MICAL2: variants seen among roughly 807,000 people sequenced by gnomAD.
The protein encoded by MICAL2 is microtubule associated monooxygenase, calponin and LIM domain containing 2, also known as [F-actin]-monooxygenase MICAL2.
MICAL2 carries 77 observed loss-of-function variants against 127.3 expected under a neutral mutation model. The observed-to-expected ratio is 0.60, with a 90% CI of 0.50 to 0.73. The LOEUF (loss-of-function observed/expected upper bound fraction) is 0.73, where lower values mean the gene tolerates loss of function less well. Among genes scored for constraint, MICAL2 ranks in the 30% least tolerant of loss-of-function variants. MICAL2 has a pLI of 0.00. For missense variants in MICAL2, 1,351 were observed against 1,434.4 expected, an observed-to-expected ratio of 0.94 and a Z score of 0.94; for synonymous variants, 570 against 551.1, an observed-to-expected ratio of 1.03 and a Z score of -0.48.
intron 3 of MICAL2, among the ~76,000 whole-genome samples, chr11:12,178,707 C>T (rs1169294084): frequency 6.7e-5 from 10 of 149,008 alleles, no homozygotes; most frequent in Non-Finnish European, 1.2e-4. Context: ...TCTCATCAGA[C>T]GGTATTATTA....
chr11:12,178,726 A>G (rs1488029533), intron 3 of MICAL2, among the ~76,000 whole-genome samples: 1 of 146,342 alleles, frequency 6.8e-6, no homozygotes, highest in East Asian at 2.0e-4. Context: ...TATTATTACT[A>G]TTTTTTTTTT....
intron 23 of MICAL2, 48 bp downstream of exon 23, chr11:12,255,798 A>G (rs1291188354): frequency 6.7e-7 from 1 of 1,502,844 alleles, no homozygotes; most frequent in Admixed American, 1.8e-5. Flanking sequence ...TGGCTCTGGC[A>G]TCCCAGGGCG....
chr11:12,238,334 G>A (rs945147005), intron 16 of MICAL2, among the ~76,000 whole-genome samples: 1 of 152,194 alleles, frequency 6.6e-6, no homozygotes, highest in Non-Finnish European at 1.5e-5. Flanking sequence ...ATTTTTCACT[G>A]TTAGCAGATG....
At chr11:12,295,330 G>A (rs1227385662), downstream of MICAL2, among the ~76,000 whole-genome samples, 5 of 151,220 alleles carry the variant, frequency 3.3e-5, no homozygotes, top group Non-Finnish European at 7.4e-5. Context: ...AGTAGAGATG[G>A]GGTTTTACCA....
At chr11:12,198,261 A>C (rs1860203952) in intron 3 of MICAL2, among the ~76,000 whole-genome samples, 1 of 152,198 alleles carries the variant, frequency 6.6e-6, no homozygotes, top group Non-Finnish European at 1.5e-5. Context: ...GAATATGCCT[A>C]ATTCAGGGTT....
At chr11:12,143,738 C>T (rs1852586515) in intron 2 of MICAL2, among the ~76,000 whole-genome samples, 1 of 152,156 alleles carries the variant, frequency 6.6e-6, no homozygotes, top group Non-Finnish European at 1.5e-5. Flanking sequence ...CAGACAGGGT[C>T]ACATAATATT....
intron 1 of MICAL2, among the ~76,000 whole-genome samples, chr11:12,116,390 T>G (rs1850038181): frequency 6.8e-6 from 1 of 147,998 alleles, no homozygotes; most frequent in Non-Finnish European, 1.5e-5. Context: ...CTGAGGAAGG[T>G]TGAGCCCTCA....
At chr11:12,113,913 T>G (rs1412294641) in intron 1 of MICAL2, among the ~76,000 whole-genome samples, 1 of 152,230 alleles carries the variant, frequency 6.6e-6, no homozygotes, top group Admixed American at 6.5e-5. Flanking sequence ...CACCTCACTA[T>G]GAAATGGCAT....
At chr11:12,172,321 G>A (rs1015338759) in intron 3 of MICAL2, among the ~76,000 whole-genome samples, 1 of 152,214 alleles carries the variant, frequency 6.6e-6, no homozygotes, top group African/African-American at 2.4e-5. Flanking sequence ...ACATGTATTT[G>A]TCTCAGGTTG....
rs147581569 is a variant in MICAL2 at position 12,162,414 on chromosome 11, A to T, written c.259A>T (p.Thr87Ser). ...TAAGCGAGGGAAGTCGTGCACGAAC[A>T]CCAAGGTAAGGGGAAACCCTCCTAG... The part of the protein sequence containing the change: ...EYKRGKSCTN[T>S]KCLIVGGGPC... The change falls in exon 3 of 28, where the codon ACC becomes TCC. Residue 87 changes from threonine to serine, a missense_variant. Around this residue, in one of 2 missense-constraint regions of MICAL2, gnomAD observed 599 missense variants for 714.9 expected, o/e 0.84. Coordinates refer to ENST00000683283, the MANE Select transcript of MICAL2 (RefSeq NM_001282663.2). 6.2e-7 allele frequency: 1 copy of T among 1,614,162 alleles called. No homozygotes were observed. Among genetic ancestry groups the T allele is most frequent in the Non-Finnish European group, 8.5e-7 (1 of 1,179,986 alleles).
At chr11:12,350,376 C>A (rs915764907) in intron 33 of MICAL2, among the ~76,000 whole-genome samples, 2 of 152,170 alleles carry the variant, frequency 1.3e-5, no homozygotes, top group African/African-American at 4.8e-5. Context: ...GTCTGGCTGT[C>A]CTCTCTGAAT....
chr11:12,217,799 G>A (rs544307104), intron 8 of MICAL2, among the ~76,000 whole-genome samples: 7 of 152,100 alleles, frequency 4.6e-5, no homozygotes, highest in African/African-American at 9.7e-5. Flanking sequence ...TCCTTCAGAG[G>A]CCCCTGGGAG....
At chr11:12,314,579 C>T (rs1168680213) in intron 29 of MICAL2, among the ~76,000 whole-genome samples, 7 of 151,422 alleles carry the variant, frequency 4.6e-5, no homozygotes, top group South Asian at 2.1e-4. Flanking sequence ...CCTGGGTTCA[C>T]GCCATTCCCC....
chr11:12,138,601 C>A (rs1443800944), intron 2 of MICAL2, 141 bp downstream of exon 2: 1 of 152,276 alleles, frequency 6.6e-6, no homozygotes. Flanking sequence ...TCTGAGTCAG[C>A]ACCACCTCCT....
At chr11:12,159,644 A>G (rs1854556015) in intron 2 of MICAL2, among the ~76,000 whole-genome samples, 1 of 152,248 alleles carries the variant, frequency 6.6e-6, no homozygotes, top group African/African-American at 2.4e-5. Flanking sequence ...TGTAGCAGGC[A>G]AGTTCAAATA....
rs548144133 is a variant in MICAL2, at chr11:12,176,041, G to A, written c.264+13622G>A. ...CTGTGAAATCTTGGGGATGAAAAAC[G>A]TAAAGGAAGACTAGGGTCTCTCCTA... On this transcript the variant is annotated intron_variant, in intron 3 of 27. Transcript: ENST00000683283. 1.9e-4 allele frequency among the ~76,000 whole-genome samples: 29 copies of A among 152,276 alleles called. No individual in the cohort carries two copies. The South Asian group carries it at 3.9e-3, about 21-fold the overall frequency.
At chr11:12,274,044 T>G (rs1863699792), upstream of MICAL2, among the ~76,000 whole-genome samples, 1 of 152,052 alleles carries the variant, frequency 6.6e-6, no homozygotes, top group African/African-American at 2.4e-5. Context: ...GGGTGAGGAC[T>G]GGGATTAAAA....
intron 24 of MICAL2, among the ~76,000 whole-genome samples, chr11:12,269,227 C>T (rs987589306): frequency 1.3e-5 from 2 of 152,138 alleles, no homozygotes; most frequent in Non-Finnish European, 2.9e-5. Context: ...AGGCTACTTC[C>T]CTTCCTGCTT....
intron 24 of MICAL2, 48 bp downstream of exon 24, chr11:12,257,019 G>T (rs1430169158): frequency 6.5e-7 from 1 of 1,543,760 alleles, no homozygotes; most frequent in East Asian, 2.3e-5. Flanking sequence ...TTGGCCTCAG[G>T]TGTGACCTTG....
Sources: gnomAD v4.1 joint callset for allele counts (sites outside exome capture counted in the v4.1 genomes callset) on GRCh38, gnomAD v4.1.1 for gene constraint, gnomAD v4.1.1 regional missense constraint, MANE v1.5 for transcripts, NCBI Gene and HGNC (gene_info 2026-07-23, HGNC 2026-07-21) for gene names.